Variants in GMDS observed in about 807,000 individuals in gnomAD.
GMDS encodes the protein GDP-mannose 4,6 dehydratase.
In GMDS, 20 loss-of-function variants were observed where a neutral mutation model predicts 49.9. The observed-to-expected ratio is 0.40, with a 90% CI of 0.28 to 0.58. GMDS has a LOEUF of 0.58. Among genes scored for constraint, GMDS ranks in the 20% least tolerant of loss-of-function variants. The pLI is 0.42. For synonymous variants in GMDS, 177 were observed against 178.6 expected, an observed-to-expected ratio of 0.99 and a Z score of 0.07; for missense variants, 362 against 481.4, an observed-to-expected ratio of 0.75 and a Z score of 2.32.
At chr6:2,239,945 C>T (rs1476504284) in intron 1 of GMDS, among the ~76,000 whole-genome samples, 1 of 152,074 alleles carries the variant, frequency 6.6e-6, no homozygotes, top group Non-Finnish European at 1.5e-5. Flanking sequence ...TTGGGAGGCC[C>T]GCCTCAGCCT....
At chr6:2,234,206 A>G (rs1303923661) in intron 1 of GMDS, among the ~76,000 whole-genome samples, 1 of 152,150 alleles carries the variant, frequency 6.6e-6, no homozygotes, top group Non-Finnish European at 1.5e-5. Flanking sequence ...TCTCCTCTCA[A>G]ACAGCTTTCT....
intron 7 of GMDS, among the ~76,000 whole-genome samples, chr6:1,774,173 T>C (rs1768699128): frequency 6.6e-6 from 1 of 152,196 alleles, no homozygotes. Context: ...ACTTCCCTCA[T>C]CTCTTTTCTT....
At chr6:1,846,945 A>C (rs1757440680) in intron 7 of GMDS, among the ~76,000 whole-genome samples, 1 of 152,220 alleles carries the variant, frequency 6.6e-6, no homozygotes. Context: ...GACTCCTGAT[A>C]ATGACTAAGG....
intron 4 of GMDS, among the ~76,000 whole-genome samples, chr6:1,973,130 C>T (rs1214986512): frequency 2.6e-5 from 4 of 152,200 alleles, no homozygotes; most frequent in African/African-American, 9.6e-5. Flanking sequence ...TTGAAATCTG[C>T]ACGTGTGTGA....
rs528938025 is a variant in GMDS, at chr6:1,824,230, T to C, written c.772-81644A>G. On this transcript the variant is annotated intron_variant, in intron 7 of 10. Transcript: ENST00000380815. Reference sequence around the variant, plus strand: ...CCTTCTCCTCATCCAGGGTGGCCAGTGTTGCACCATTCCAGGGGCTGCAAT... The same window carrying C: ...CCTTCTCCTCATCCAGGGTGGCCAGCGTTGCACCATTCCAGGGGCTGCAAT... 2.0e-5 allele frequency among the ~76,000 whole-genome samples: 3 copies of C among 152,266 alleles called. No homozygotes were observed. In the East Asian group the frequency reaches 5.8e-4, roughly 29 times the overall value.
At chr6:1,818,928 T>A (rs1456942580) in intron 7 of GMDS, among the ~76,000 whole-genome samples, 2 of 152,052 alleles carry the variant, frequency 1.3e-5, no homozygotes, top group East Asian at 1.9e-4. Flanking sequence ...CTAAAGCATA[T>A]CTAAAAAATT....
chr6:2,080,803 C>T (rs1056179236), intron 4 of GMDS, among the ~76,000 whole-genome samples: 9 of 152,074 alleles, frequency 5.9e-5, no homozygotes, highest in Non-Finnish European at 7.3e-5. Flanking sequence ...TATAAAAATG[C>T]GAAGATTAAT....
At position 2,207,963 on chromosome 6, in the gene GMDS, G is replaced by A. The variant is rs1263471346; in HGVS notation, c.102+37358C>T. ...TTGCCAAGTTAGTAGCTTTTTCCAGGCATATGAAAAACCCAGTCAGGAAAG... is the reference window on the plus strand; with the variant it reads ...TTGCCAAGTTAGTAGCTTTTTCCAGACATATGAAAAACCCAGTCAGGAAAG... On this transcript the variant is annotated intron_variant, in intron 1 of 10. Coordinates refer to ENST00000380815, the MANE Select transcript of GMDS (RefSeq NM_001500.4). Among the ~76,000 whole-genome samples the A allele has an allele frequency of 3.9e-5, 6 of 151,906 alleles. No homozygotes were observed. The South Asian group carries it at 1.0e-3, about 26-fold the overall frequency.
intron 9 of GMDS, among the ~76,000 whole-genome samples, chr6:1,724,349 G>A (rs915580126): frequency 3.3e-5 from 5 of 152,188 alleles, no homozygotes; most frequent in African/African-American, 9.7e-5. Flanking sequence ...GGGATGCGGC[G>A]TCGGTCACGG....
chr6:1,717,321 CA>C (rs1766210493), intron 9 of GMDS, among the ~76,000 whole-genome samples: 1 of 152,182 alleles, frequency 6.6e-6, no homozygotes, highest in Non-Finnish European at 1.5e-5. Flanking sequence ...GGAGCAAGTA[CA>C]AAGATGGGTT....
intron 4 of GMDS, among the ~76,000 whole-genome samples, chr6:2,015,803 A>G (rs1191064290): frequency 1.3e-5 from 2 of 152,156 alleles, no homozygotes; most frequent in African/African-American, 2.4e-5. Context: ...TTATCATGCA[A>G]TGTGGCCCAA....
intron 4 of GMDS, among the ~76,000 whole-genome samples, chr6:1,999,978 ATATTTT>A: frequency 4.4e-5 from 1 of 22,592 alleles, no homozygotes; most frequent in Non-Finnish European, 7.6e-5. Context: ...TATTATATAT[ATATTTT>A]ATATATATAT....
At chr6:2,056,007 A>C (rs1037081669) in intron 4 of GMDS, among the ~76,000 whole-genome samples, 3 of 152,194 alleles carry the variant, frequency 2.0e-5, no homozygotes, top group African/African-American at 7.2e-5. Context: ...AATTATTAGC[A>C]TGTCATAAAT....
At chr6:1,755,688 C>G (rs1344321497) in intron 7 of GMDS, among the ~76,000 whole-genome samples, 1 of 152,072 alleles carries the variant, frequency 6.6e-6, no homozygotes, top group Non-Finnish European at 1.5e-5. Context: ...ATAAATAGTG[C>G]TGGGAAAACT....
chr6:1,936,804 T>C (rs1762569831), intron 6 of GMDS, among the ~76,000 whole-genome samples: 1 of 151,946 alleles, frequency 6.6e-6, no homozygotes, highest in African/African-American at 2.4e-5. Flanking sequence ...TCATCTCTAC[T>C]AAAAATACAA....
intron 9 of GMDS, among the ~76,000 whole-genome samples, chr6:1,685,685 C>T (rs538928198): frequency 6.6e-6 from 1 of 152,112 alleles, no homozygotes; most frequent in South Asian, 2.1e-4. Flanking sequence ...GCACAGAGCA[C>T]AGGGAGGTTG....
chr6:1,860,423 T>C (rs1017124402), intron 7 of GMDS, among the ~76,000 whole-genome samples: 1 of 152,030 alleles, frequency 6.6e-6, no homozygotes, highest in Admixed American at 6.5e-5. Context: ...GGAAAAACAT[T>C]AGGGCAGAAA....
intron 7 of GMDS, among the ~76,000 whole-genome samples, chr6:1,782,848 T>C (rs1043657511): frequency 6.6e-6 from 1 of 152,208 alleles, no homozygotes; most frequent in South Asian, 2.1e-4. Context: ...CATTATTATT[T>C]CTCTGTCAAG....
intron 7 of GMDS, among the ~76,000 whole-genome samples, chr6:1,926,776 G>A (rs549923183): frequency 1.9e-4 from 29 of 152,242 alleles, no homozygotes; most frequent in African/African-American, 5.3e-4. Context: ...CTGAATAAAC[G>A]TAATTTAGAC....
Sources: allele counts gnomAD v4.1 joint callset (sites outside exome capture counted in the v4.1 genomes callset), GRCh38; gene constraint gnomAD v4.1.1; transcripts MANE v1.5; gene names NCBI Gene and HGNC (gene_info 2026-07-23, HGNC 2026-07-21).